Variants in PRKCH observed in about 807,000 individuals in gnomAD.
PRKCH encodes the protein protein kinase C eta type.
PRKCH carries 28 observed loss-of-function variants against 82.5 expected under a neutral mutation model. That is an observed-to-expected ratio of 0.34 (90% CI 0.25 to 0.47). The LOEUF (loss-of-function observed/expected upper bound fraction) is 0.47, where lower values mean the gene tolerates loss of function less well. Ranked by LOEUF, PRKCH falls within the 20% of genes least tolerant of loss-of-function variation. The pLI is 1.00. For missense variants in PRKCH, 705 were observed against 881.8 expected, an observed-to-expected ratio of 0.80 and a Z score of 2.54; for synonymous variants, 322 against 327.4, an observed-to-expected ratio of 0.98 and a Z score of 0.18.
intron 9 of PRKCH, among the ~76,000 whole-genome samples, chr14:61,465,044 A>G (rs1246843700): frequency 6.6e-6 from 1 of 152,124 alleles, no homozygotes; most frequent in Non-Finnish European, 1.5e-5. Context: ...AGAAATGTCT[A>G]TTCAGGTCCA....
chr14:61,408,282 G>T (rs560965136), intron 2 of PRKCH, among the ~76,000 whole-genome samples: 21 of 152,298 alleles, frequency 1.4e-4, no homozygotes, highest in Non-Finnish European at 2.5e-4. Flanking sequence ...GCATGGTGGA[G>T]AGAGAAATCT....
At chr14:61,343,147 T>C (rs890193633) in intron 1 of PRKCH, among the ~76,000 whole-genome samples, 2 of 152,188 alleles carry the variant, frequency 1.3e-5, no homozygotes, top group Non-Finnish European at 2.9e-5. Flanking sequence ...CAAGGCCTGA[T>C]TGGCGTTTCC....
intron 10 of PRKCH, among the ~76,000 whole-genome samples, chr14:61,524,844 G>T (rs2042946968): frequency 1.3e-5 from 2 of 152,186 alleles, no homozygotes; most frequent in African/African-American, 2.4e-5. Context: ...TCAAAGAGAA[G>T]AATTTAAATT....
chr14:61,491,123 C>G (rs1004237158), intron 10 of PRKCH, among the ~76,000 whole-genome samples: 3 of 152,178 alleles, frequency 2.0e-5, no homozygotes, highest in Non-Finnish European at 4.4e-5. Context: ...AGATGTCTTT[C>G]ATTTGAGCCT....
At chr14:61,422,504 G>A (rs189395391) in intron 2 of PRKCH, among the ~76,000 whole-genome samples, 56 of 152,082 alleles carry the variant, frequency 3.7e-4, no homozygotes, top group Admixed American at 1.3e-3. Flanking sequence ...TATATACCCC[G>A]TTCCCCTCAT....
At chr14:61,217,385 C>G (rs1027446997) in intron 1 of PRKCH, among the ~76,000 whole-genome samples, 1 of 151,930 alleles carries the variant, frequency 6.6e-6, no homozygotes, top group African/African-American at 2.4e-5. Context: ...ACACTCCAGC[C>G]TAGGTGACGG....
intron 1 of PRKCH, among the ~76,000 whole-genome samples, chr14:61,288,392 G>A (rs919829409): frequency 6.6e-6 from 1 of 152,152 alleles, no homozygotes. Context: ...GTGGTGACAA[G>A]CCTCAATAAA....
At chr14:61,457,046 A>G in intron 7 of PRKCH, 130 bp from the exon 8 acceptor site, 1 of 979,590 alleles carries the variant, frequency 1.0e-6, no homozygotes, top group Non-Finnish European at 1.5e-6. Context: ...ATCATCTGTC[A>G]AACTGAGTTG....
Position 61,444,758 on chromosome 14 carries a change from A to T in PRKCH, c.579-934A>T, listed in dbSNP as rs528728978. Among the ~76,000 whole-genome samples, 72 of 152,166 alleles carry T rather than the reference A, an allele frequency of 4.7e-4. 1 individual carries two copies. The highest frequency in any genetic ancestry group is 9.2e-4 in the Admixed American group (14 of 15,280). ...TTGCGTAGCCTGTCAATGTCTCTTC[A>T]TTTGCAAAATAGACACAACAATCTT... On this transcript the variant is annotated intron_variant, in intron 3 of 13. Coordinates refer to ENST00000332981, the MANE Select transcript of PRKCH (RefSeq NM_006255.5).
intron 1 of PRKCH, among the ~76,000 whole-genome samples, chr14:61,372,041 C>T (rs1051496980): frequency 6.6e-6 from 1 of 151,938 alleles, no homozygotes; most frequent in African/African-American, 2.4e-5. Flanking sequence ...CTCCTGTGTC[C>T]CTTTGTGACA....
At chr14:61,277,895 C>T (rs1370410511) in intron 1 of PRKCH, 3 of 152,174 alleles carry the variant, frequency 2.0e-5, no homozygotes, top group Non-Finnish European at 4.4e-5. Flanking sequence ...CAATGTAAAT[C>T]TGCTATTAAG....
At chr14:61,332,377 C>G (rs1420418347) in intron 1 of PRKCH, among the ~76,000 whole-genome samples, 1 of 152,102 alleles carries the variant, frequency 6.6e-6, no homozygotes, top group Non-Finnish European at 1.5e-5. Context: ...TCTGTAGCAC[C>G]AGTAAATTAG....
intron 10 of PRKCH, among the ~76,000 whole-genome samples, chr14:61,526,118 G>A (rs979191867): frequency 4.6e-5 from 7 of 152,192 alleles, no homozygotes; most frequent in East Asian, 3.8e-4. Flanking sequence ...GCGCTGCTAC[G>A]ATTGCAACCT....
In PRKCH at chr14:61,343,114, G is replaced by A. The variant is rs115892309; in HGVS notation, c.363+20650G>A. Among the ~76,000 whole-genome samples, 414 of 152,234 alleles carry A rather than the reference G, an allele frequency of 2.7e-3. 2 individuals are homozygous for A. The highest frequency in any genetic ancestry group is 9.4e-3 in the African/African-American group (390 of 41,556). ...TGACAGGGTGGGCTGGAATATAATC[G>A]CTACTTAACTGGACTTGACTTTCAA... On this transcript the variant is annotated intron_variant, in intron 1 of 13. Coordinates refer to ENST00000332981, the MANE Select transcript of PRKCH (RefSeq NM_006255.5).
intron 1 of PRKCH, among the ~76,000 whole-genome samples, chr14:61,363,522 T>C (rs751963921): frequency 1.2e-4 from 18 of 152,122 alleles, no homozygotes; most frequent in Non-Finnish European, 2.4e-4. Flanking sequence ...GAATGACACT[T>C]GAAGTTCTGG....
At chr14:61,379,097 C>G (rs1417112133) in intron 1 of PRKCH, among the ~76,000 whole-genome samples, 1 of 152,224 alleles carries the variant, frequency 6.6e-6, no homozygotes, top group Non-Finnish European at 1.5e-5. Flanking sequence ...GATGCACTTT[C>G]CTCTGCAGTC....
intron 1 of PRKCH, among the ~76,000 whole-genome samples, chr14:61,297,723 G>C (rs556748449): frequency 1.3e-5 from 2 of 152,248 alleles, no homozygotes; most frequent in South Asian, 2.1e-4. Context: ...TGGAGTTCAG[G>C]GGGTAATGCT....
At position 61,280,018 on chromosome 14, in the gene PRKCH, G is replaced by C. The variant is rs2045241782; in HGVS notation, c.-19+92350G>C. ...TAGGCGAGGTTGGAATTGGGTGACGGGCGAGGAGGAGATGCCAAAAGCACC... is the reference window on the plus strand; with the variant it reads ...TAGGCGAGGTTGGAATTGGGTGACGCGCGAGGAGGAGATGCCAAAAGCACC... On this transcript the variant is annotated intron_variant, in intron 1 of 3. Transcript: ENST00000555185. The surrounding 1 kb of genome is among the most constrained non-coding windows in gnomAD (Gnocchi z 5.0). 1.5e-6 allele frequency: 2 copies of C among 1,323,854 alleles called. No individual in the cohort carries two copies. The highest frequency in any genetic ancestry group is 5.0e-5 in the Admixed American group (2 of 40,326). The allele number at this position is 1,323,854 out of a possible 1,614,324, so 82.0% of individuals were successfully genotyped here.
chr14:61,532,476 A>G (rs2043053704), intron 12 of PRKCH, among the ~76,000 whole-genome samples: 1 of 152,184 alleles, frequency 6.6e-6, no homozygotes, highest in Non-Finnish European at 1.5e-5. Flanking sequence ...TGAGTTGGAC[A>G]TTCCTAATTT....
Sources: gnomAD v4.1 joint callset for allele counts (sites outside exome capture counted in the v4.1 genomes callset) on GRCh38, gnomAD v4.1.1 for gene constraint, Gnocchi (gnomAD v3.1) non-coding constraint, MANE v1.5 for transcripts, NCBI Gene and HGNC (gene_info 2026-07-23, HGNC 2026-07-21) for gene names.